The following MYO15B variants were observed in gnomAD, a reference collection of about 807,000 sequenced individuals.
MYO15B encodes myosin XVB, also known as myosin XVB pseudogene.
In MYO15B, 207 loss-of-function variants were observed where a neutral mutation model predicts 119.3. The observed-to-expected ratio is 1.73, with a 90% confidence interval of 1.55 to 1.95. The LOEUF is 1.95. MYO15B is among the 30% of genes most tolerant of loss of function. The pLI is 0.00. For missense variants in MYO15B, 2,264 were observed against 1,203.1 expected (o/e 1.88, Z -13.04); for synonymous variants, 966 against 498.9 (o/e 1.94, Z -12.48).
At chr17:75,613,496 C>T (rs2058159592) in intron 28 of MYO15B, 25 bp downstream of exon 28, 1 of 666,700 alleles carries the variant, frequency 1.5e-6, no homozygotes, top group Non-Finnish European at 2.7e-6. Context: ...TGGCTGAGGC[C>T]TCCCAGGCCT....
At chr17:75,592,975 T>C in intron 9 of MYO15B, 135 bp downstream of exon 9, 3 of 588,980 alleles carry the variant, frequency 5.1e-6, no homozygotes, top group Non-Finnish European at 3.0e-6. Context: ...AGATCCCCAC[T>C]GTGTAGATGA....
chr17:75,588,743 C>T (rs994039250), exon 1 of MYO15B: 94 of 398,788 alleles, frequency 2.4e-4, no homozygotes, highest in Middle Eastern at 1.9e-3. Flanking sequence ...GGGACGGGGC[C>T]CCTGGGAGCC....
chr17:75,599,776 T>G (rs1164598011), intron 14 of MYO15B, among the ~76,000 whole-genome samples: 1 of 149,350 alleles, frequency 6.7e-6, no homozygotes, highest in East Asian at 2.2e-4. Flanking sequence ...GTGCCTGTAG[T>G]CCCAGCTACT....
rs746889025 is a variant in MYO15B at position 75,615,353 on chromosome 17, G to T, written c.5740+15G>T. ...TGCCATGCCAGGTAAGTCTGGGCTG[G>T]GGGCACCAGAGTCCCTTCTCAGGAG... On this transcript the variant is annotated intron_variant, in intron 34 of 63. Transcript: ENST00000645453. 4.3e-6 allele frequency: 3 copies of T among 700,998 alleles called. No homozygotes were observed. In the South Asian group the frequency reaches 4.4e-5, roughly 10 times the overall value. 43.4% of individuals were successfully genotyped at this position (700,998 alleles called of 1,614,324 possible).
chr17:75,618,400 A>G (rs1452117382), intron 43 of MYO15B, among the ~76,000 whole-genome samples: 1 of 152,206 alleles, frequency 6.6e-6, no homozygotes, highest in Non-Finnish European at 1.5e-5. Flanking sequence ...CATGCCTGTA[A>G]TCCCAGCACT....
At chr17:75,619,934 C>G (rs1021434378) in exon 47 of MYO15B, 1 of 702,694 alleles carries the variant, frequency 1.4e-6, no homozygotes, top group Admixed American at 2.0e-5. Flanking sequence ...GGAGCTGTCA[C>G]TGAAGAGCGA....
In MYO15B at chr17:75,618,873, A is replaced by G. The variant is rs77431216; in HGVS notation, c.6988-270A>G. 4.1e-3 allele frequency among the ~76,000 whole-genome samples: 617 copies of G among 152,260 alleles called. 8 individuals are homozygous for G. The highest frequency in any genetic ancestry group is 0.014 in the African/African-American group (596 of 41,552). ...AACAATCTTGTATCTGGGCTGATCC[A>G]AGGGCAGTTACCACGGGGTCTCTGG... is the stretch of plus-strand genomic sequence containing the variant. On this transcript the variant is annotated intron_variant, in intron 43 of 63. Transcript: ENST00000645453.
chr17:75,610,655 G>C lies in MYO15B; in HGVS notation c.4387-245G>C, dbSNP rs974937090. ...TCCCTGGCTGGACTTTGTCCCCTGGGACCATTTCTTCCCTTCTTCCTGCCC... is the reference window on the plus strand; with the variant it reads ...TCCCTGGCTGGACTTTGTCCCCTGGCACCATTTCTTCCCTTCTTCCTGCCC... On this transcript the variant is annotated intron_variant, in intron 22 of 63. Coordinates refer to ENST00000645453, the Ensembl canonical transcript of MYO15B. 3.0e-5 allele frequency: 17 copies of C among 569,436 alleles called. No homozygotes were observed. The African/African-American group carries it at 3.0e-4, about 10-fold the overall frequency. 35.3% of individuals were successfully genotyped at this position (569,436 alleles called of 1,614,324 possible). A position where few individuals can be genotyped will look rare whatever the true frequency, so the allele number is the denominator to read the frequency against.
At chr17:75,605,348 A>G (rs1403321352) in intron 19 of MYO15B, among the ~76,000 whole-genome samples, 156 bp from the exon 20 acceptor site, 1 of 151,706 alleles carries the variant, frequency 6.6e-6, no homozygotes, top group African/African-American at 2.4e-5. Context: ...GAGGCAGGGG[A>G]ATGGCCTGAA....
chr17:75,619,831 G>C (rs1205873579), intron 46 of MYO15B, 32 bp downstream of exon 46: 1 of 702,346 alleles, frequency 1.4e-6, no homozygotes. Context: ...GGCTAGAGGT[G>C]GGGGCAGGTG....
chr17:75,598,242 T>C (rs1290879103), intron 14 of MYO15B, among the ~76,000 whole-genome samples: 2 of 140,334 alleles, frequency 1.4e-5, no homozygotes, highest in African/African-American at 5.3e-5. Context: ...CACTCCAGCC[T>C]GGGGACAGAG....
intron 32 of MYO15B, 35 bp downstream of exon 32, chr17:75,614,884 C>CA (rs1395830584): frequency 1.4e-6 from 1 of 702,790 alleles, no homozygotes; most frequent in African/African-American, 1.7e-5. Context: ...GCCCCTGCCC[C>CA]AACCCCCCGG....
exon 45 of MYO15B, chr17:75,619,467 T>G: frequency 1.4e-6 from 1 of 702,388 alleles, no homozygotes; most frequent in Non-Finnish European, 2.6e-6. Flanking sequence ...CCCGCTTCTT[T>G]CCTGTCTCGG....
chr17:75,602,571 A>C (rs1215386306), exon 16 of MYO15B: 1 of 685,102 alleles, frequency 1.5e-6, no homozygotes, highest in African/African-American at 1.8e-5. Context: ...TGTGGTGGAG[A>C]TGCTTGGCCA....
At chr17:75,626,761 C>A (rs910801138) in exon 64 of MYO15B, 2 of 540,392 alleles carry the variant, frequency 3.7e-6, no homozygotes, top group African/African-American at 3.8e-5. Flanking sequence ...GATGCCCACC[C>A]GACCCCAGGC....
Position 75,594,930 on chromosome 17 carries a change from CAGCATTGGCACCGT to C in MYO15B, c.3256_3269del (p.Ser1086HisfsTer9). 1 of 703,064 alleles carries C rather than the reference CAGCATTGGCACCGT, an allele frequency of 1.4e-6. No individual in the cohort carries two copies. Among genetic ancestry groups the C allele is most frequent in the East Asian group, 2.7e-5 (1 of 37,286 alleles). 43.6% of individuals were successfully genotyped at this position (703,064 alleles called of 1,614,324 possible). A position where few individuals can be genotyped will look rare whatever the true frequency, so the allele number is the denominator to read the frequency against. ...GGCTGGCACCACCAGGGGAGGGAGG[CAGCATTGGCACCGT>C]CACTGTCGTGGATGCCTACGGCTTT... On this transcript the variant is annotated frameshift_variant, in exon 12 of 64. Transcript: ENST00000645453. LOFTEE classifies it high-confidence loss of function.
intron 55 of MYO15B, 22 bp from the exon 56 acceptor site, chr17:75,624,153 C>A (rs1415750948): frequency 2.8e-6 from 2 of 702,814 alleles, no homozygotes; most frequent in Non-Finnish European, 5.2e-6. Context: ...CATCTCATAA[C>A]CCCAGGCTGG....
At position 75,619,366 on chromosome 17, in the gene MYO15B, G is replaced by T. The variant is rs767391406; in HGVS notation, c.7072G>T (p.Glu2358Ter). ...GTCCTTCCTGCCCACAGGAGGCTTG[G>T]AGGTGGACCTGGATTCTCTCACCAC... Residue 2358 changes from glutamate (E) to a stop codon, truncating the protein, a stop_gained, in exon 45 of 64, where the codon GAG becomes TAG. Transcript: ENST00000645453. LOFTEE classifies it high-confidence loss of function. 4.3e-6 allele frequency: 3 copies of T among 702,728 alleles called. No homozygotes were observed. The highest frequency in any genetic ancestry group is 2.7e-5 in the East Asian group (1 of 37,282). 43.5% of individuals were successfully genotyped at this position (702,728 alleles called of 1,614,324 possible).
rs1352446103 is a variant in MYO15B, at chr17:75,589,019, G to C, written c.962G>C (p.Gly321Ala). The change falls in exon 1 of 64, where the codon GGA becomes GCA. Residue 321 changes from glycine (G) to alanine (A), a missense_variant. Physicochemically the swap from Gly to Ala is moderately conservative, Grantham distance 60 (BLOSUM62 0). Transcript: ENST00000645453. The surrounding 1 kb of genome is among the most constrained non-coding windows in gnomAD (Gnocchi z 4.2). The stretch of plus-strand genomic sequence containing the variant: ...GCGGCGGCAGGCGAGGGCGAAGCGG[G>C]AGCCGCAGCAGGAGCGGGGCCGGAG... The C allele has an allele frequency of 2.5e-6, 1 of 397,556 alleles. No individual in the cohort carries two copies. The allele number at this position is 397,556 out of a possible 1,614,324, so 24.6% of individuals were successfully genotyped here.
Sources: allele counts gnomAD v4.1 joint callset (sites outside exome capture counted in the v4.1 genomes callset), GRCh38; gene constraint gnomAD v4.1.1; non-coding constraint Gnocchi (gnomAD v3.1); transcripts MANE v1.5; gene names NCBI Gene and HGNC (gene_info 2026-07-23, HGNC 2026-07-21).